FARP2: variants seen among roughly 807,000 people sequenced by gnomAD.
FARP2 encodes the protein FERM, ARHGEF and pleckstrin domain-containing protein 2.
In FARP2, 111 loss-of-function variants were observed where a neutral mutation model predicts 130.5. The ratio of observed to expected loss-of-function variants is 0.85; its 90% confidence interval spans 0.73 to 1.00. The LOEUF (loss-of-function observed/expected upper bound fraction) is 1.00, where lower values mean the gene tolerates loss of function less well. FARP2 is among the 50% of genes least tolerant of loss of function. The pLI is 0.00. For missense variants in FARP2, 1,385 were observed against 1,346.3 expected, an observed-to-expected ratio of 1.03 and a Z score of -0.45; for synonymous variants, 504 against 516.9, an observed-to-expected ratio of 0.98 and a Z score of 0.34.
intron 16 of FARP2, 170 bp downstream of exon 16, chr2:241,463,638 C>G: frequency 1.3e-6 from 1 of 759,250 alleles, no homozygotes; most frequent in South Asian, 1.9e-5. Context: ...CTTTATTCAC[C>G]CTCTTCCAGA....
intron 12 of FARP2, among the ~76,000 whole-genome samples, chr2:241,437,043 C>T (rs1055600952): frequency 6.6e-6 from 1 of 152,200 alleles, no homozygotes; most frequent in South Asian, 2.1e-4. Context: ...GTGTGTAATA[C>T]ACCACAAAAT....
Position 241,441,387 on chromosome 2 carries a change from G to A in FARP2, c.1242G>A (p.Leu414=), listed in dbSNP as rs780820039. The A allele has an allele frequency of 6.2e-7, 1 of 1,614,116 alleles. No homozygotes were observed. The highest frequency in any genetic ancestry group is 8.5e-7 in the Non-Finnish European group (1 of 1,180,024). Reference sequence around the variant, plus strand: ...TTTACTCGCTCTCTCCCTCCACTCTGGTCCCCTCTGGCCTGCCAGAGTTTA... The same window carrying A: ...TTTACTCGCTCTCTCCCTCCACTCTAGTCCCCTCTGGCCTGCCAGAGTTTA... ...NAFYSLSPST[L]VPSGLPEFKD... Residue 414 remains leucine (L), a synonymous_variant, in exon 13 of 27, where the codon CTG becomes CTA. Transcript: ENST00000264042.
In FARP2 at chr2:241,441,298, T is replaced by A. The variant is rs1221715762; in HGVS notation, c.1159-6T>A. 1 of 1,567,918 alleles carries A rather than the reference T, an allele frequency of 6.4e-7. No individual in the cohort carries two copies. Among genetic ancestry groups the A allele is most frequent in the Non-Finnish European group, 8.6e-7 (1 of 1,156,668 alleles). ...CTTTTTTTCTTTTCTTAACTTTGGT[T>A]CCCAGAGCATCTCATTCCCCGAGGG... On this transcript the variant is annotated splice_region_variant and splice_polypyrimidine_tract_variant and intron_variant, in intron 12 of 26. Transcript: ENST00000264042.
intron 4 of FARP2, 74 bp from the exon 5 acceptor site, chr2:241,407,463 A>G (rs2062390906): frequency 9.3e-7 from 1 of 1,080,648 alleles, no homozygotes; most frequent in Non-Finnish European, 1.4e-6. Flanking sequence ...GACCTCAGTT[A>G]TACAGTAATA....
chr2:241,429,141 T>A (rs149088361), intron 8 of FARP2, among the ~76,000 whole-genome samples: 19 of 152,360 alleles, frequency 1.2e-4, no homozygotes, highest in Non-Finnish European at 2.1e-4. Context: ...CAGACGTTTT[T>A]AAAATTTTAT....
chr2:241,458,090 G>C (rs2063911651), intron 14 of FARP2, among the ~76,000 whole-genome samples: 1 of 152,188 alleles, frequency 6.6e-6, no homozygotes. Context: ...CAGGGATGCT[G>C]TGGCCTCAGG....
intron 2 of FARP2, among the ~76,000 whole-genome samples, chr2:241,374,885 C>T (rs564846627): frequency 6.6e-6 from 1 of 152,318 alleles, no homozygotes; most frequent in South Asian, 2.1e-4. Flanking sequence ...TGCCCTTTCA[C>T]CAGCTCTTGG....
chr2:241,383,622 G>A (rs1575481962), intron 2 of FARP2, among the ~76,000 whole-genome samples: 1 of 152,208 alleles, frequency 6.6e-6, no homozygotes, highest in African/African-American at 2.4e-5. Context: ...GAGCCTTTGG[G>A]TGACATTTGC....
Position 241,406,966 on chromosome 2 carries a change from C to A in FARP2, c.332-571C>A, listed in dbSNP as rs1193316445. Among the ~76,000 whole-genome samples, 3 of 152,028 alleles carry A rather than the reference C, an allele frequency of 2.0e-5. No individual in the cohort carries two copies. In the East Asian group the frequency reaches 5.8e-4, roughly 29 times the overall value. On this transcript the variant is annotated intron_variant, in intron 4 of 26. Transcript: ENST00000264042. The stretch of plus-strand genomic sequence containing the variant: ...GGGACTACAGTCACCCGCCACCACG[C>A]CCGGCTAATTTTTTTGTATTTTTAA...
chr2:241,426,729 G>C (rs1448675248), intron 8 of FARP2, among the ~76,000 whole-genome samples: 2 of 152,098 alleles, frequency 1.3e-5, no homozygotes, highest in African/African-American at 4.8e-5. Context: ...CTGGATTATT[G>C]GATGAATATG....
At chr2:241,416,203 C>G (rs533863210) in intron 7 of FARP2, among the ~76,000 whole-genome samples, 3 of 152,022 alleles carry the variant, frequency 2.0e-5, no homozygotes, top group Non-Finnish European at 4.4e-5. Flanking sequence ...TGCACATGTT[C>G]TTGTGCCTGT....
intron 1 of FARP2, among the ~76,000 whole-genome samples, chr2:241,366,104 A>AT (rs1553705628): frequency 0.017 from 953 of 56,786 alleles, 37 homozygotes; most frequent in African/African-American, 0.047. Flanking sequence ...AAAAAAAAAA[A>AT]ATATATATAT....
intron 21 of FARP2, among the ~76,000 whole-genome samples, chr2:241,485,698 C>T (rs970527734): frequency 6.6e-6 from 1 of 151,372 alleles, no homozygotes; most frequent in Non-Finnish European, 1.5e-5. Flanking sequence ...ATCTCCCTCC[C>T]TGGGGTCCTC....
chr2:241,421,636 G>T (rs757840123), intron 8 of FARP2, among the ~76,000 whole-genome samples: 2 of 152,212 alleles, frequency 1.3e-5, no homozygotes, highest in Admixed American at 1.3e-4. Context: ...CTTTAAGTGG[G>T]CCCCTGACCC....
At chr2:241,436,815 T>C (rs1287140906) in intron 12 of FARP2, among the ~76,000 whole-genome samples, 1 of 152,054 alleles carries the variant, frequency 6.6e-6, no homozygotes, top group Non-Finnish European at 1.5e-5. Flanking sequence ...CAAAATCTTG[T>C]CTCTACAAAA....
At position 241,395,187 on chromosome 2, in the gene FARP2, C is replaced by A. The variant is rs528339643; in HGVS notation, c.184-8641C>A. ...TTAGGACGGTGTGAGGAAACCTGTT[C>A]CTTGTGATCAACTCAGGAGCCACAA... On this transcript the variant is annotated intron_variant, in intron 2 of 26. Transcript: ENST00000264042. Among the ~76,000 whole-genome samples, 7 of 152,286 alleles carry A rather than the reference C, an allele frequency of 4.6e-5. No homozygotes were observed. In the East Asian group the frequency reaches 1.3e-3, roughly 29 times the overall value.
intron 19 of FARP2, chr2:241,478,489 C>A: frequency 3.3e-6 from 1 of 305,164 alleles, no homozygotes; most frequent in Non-Finnish European, 6.8e-6. Context: ...AGATGCTGTG[C>A]CAGGACCTGA....
chr2:241,451,915 C>T (rs1313837939), intron 13 of FARP2, among the ~76,000 whole-genome samples: 5 of 152,196 alleles, frequency 3.3e-5, no homozygotes, highest in African/African-American at 7.2e-5. Context: ...CAACCACACC[C>T]GGCAAATTTT....
At chr2:241,478,810 C>G (rs1574902214) in intron 19 of FARP2, 1 of 395,798 alleles carries the variant, frequency 2.5e-6, no homozygotes, top group East Asian at 6.1e-5. Flanking sequence ...TGGTGTCCAC[C>G]ATGTCCGACA....
Sources: gnomAD v4.1 joint callset for allele counts (sites outside exome capture counted in the v4.1 genomes callset) on GRCh38, gnomAD v4.1.1 for gene constraint, MANE v1.5 for transcripts, NCBI Gene and HGNC (gene_info 2026-07-23, HGNC 2026-07-21) for gene names.